Variants in SUMF1 observed in about 807,000 individuals in gnomAD.
SUMF1 encodes the protein formylglycine-generating enzyme.
SUMF1 carries 48 observed loss-of-function variants against 47.6 expected under a neutral mutation model. That is an observed-to-expected ratio of 1.01 (90% CI 0.80 to 1.28). SUMF1 has a LOEUF of 1.28. Among genes scored for constraint, SUMF1 ranks in the 50% most tolerant of loss-of-function variants. The pLI, the probability that SUMF1 is intolerant of heterozygous loss-of-function variation, is 0.00. For synonymous variants in SUMF1, 230 were observed against 192.1 expected (o/e 1.20, Z -1.63); for missense variants, 571 against 485.4 (o/e 1.18, Z -1.66).
chr3:4,163,255 A>G (rs1694620308), intron 8 of SUMF1, among the ~76,000 whole-genome samples: 1 of 150,334 alleles, frequency 6.7e-6, no homozygotes. Context: ...TCCAACAACC[A>G]ATTATCTCTC....
intron 1 of SUMF1, among the ~76,000 whole-genome samples, chr3:4,454,351 A>G (rs1180864623): frequency 6.6e-6 from 1 of 152,224 alleles, no homozygotes. Flanking sequence ...ATCATGAGTC[A>G]TTAGGGAAAT....
chr3:4,150,564 G>T (rs1450761608), intron 8 of SUMF1, among the ~76,000 whole-genome samples: 1 of 149,842 alleles, frequency 6.7e-6, no homozygotes, highest in Non-Finnish European at 1.5e-5. Flanking sequence ...AAAAAAAAAT[G>T]TGTAGAGGCA....
At chr3:4,367,688 T>C (rs1211445744) in intron 8 of SUMF1, among the ~76,000 whole-genome samples, 2 of 152,160 alleles carry the variant, frequency 1.3e-5, no homozygotes, top group East Asian at 3.9e-4. Flanking sequence ...GCCGCATGTC[T>C]ACAACTGTCT....
chr3:4,164,442 A>T (rs1007165401), intron 8 of SUMF1, among the ~76,000 whole-genome samples: 1 of 152,148 alleles, frequency 6.6e-6, no homozygotes, highest in African/African-American at 2.4e-5. Flanking sequence ...GGCCCAAAGA[A>T]ACTTTGCCCT....
intron 8 of SUMF1, among the ~76,000 whole-genome samples, chr3:4,135,030 T>C (rs1693891839): frequency 6.6e-6 from 1 of 152,164 alleles, no homozygotes; most frequent in South Asian, 2.1e-4. Flanking sequence ...CACAGCCGAA[T>C]TCTACCAGAG....
At chr3:4,258,170 C>A (rs1024130996) in intron 8 of SUMF1, among the ~76,000 whole-genome samples, 1 of 149,900 alleles carries the variant, frequency 6.7e-6, no homozygotes, top group Non-Finnish European at 1.5e-5. Context: ...TAGAAGAAAA[C>A]CTAGGCATTA....
At chr3:4,132,537 G>C (rs1007125200) in intron 8 of SUMF1, among the ~76,000 whole-genome samples, 1 of 152,148 alleles carries the variant, frequency 6.6e-6, no homozygotes, top group East Asian at 1.9e-4. Context: ...AGGGGTGAAA[G>C]TGGAAGTGGC....
intron 8 of SUMF1, among the ~76,000 whole-genome samples, chr3:4,234,503 G>C (rs61389820): frequency 6.6e-6 from 1 of 151,860 alleles, no homozygotes; most frequent in African/African-American, 2.4e-5. Context: ...GCTCATTCAC[G>C]TATCCATTCA....
At chr3:4,265,834 G>T (rs1043657080) in intron 8 of SUMF1, among the ~76,000 whole-genome samples, 16 of 152,154 alleles carry the variant, frequency 1.1e-4, no homozygotes, top group African/African-American at 3.9e-4. Flanking sequence ...TAATGCCTAG[G>T]TTTTCTCCTA....
chr3:4,113,843 A>G (rs947068510), intron 8 of SUMF1, among the ~76,000 whole-genome samples: 2 of 152,104 alleles, frequency 1.3e-5, no homozygotes, highest in Non-Finnish European at 2.9e-5. Flanking sequence ...AAGTTAATCC[A>G]CAGATCCGGA....
In SUMF1 at chr3:4,338,955, G is replaced by A. The variant is rs1198961814; in HGVS notation, c.1014+37375C>T. On this transcript the variant is annotated intron_variant and NMD_transcript_variant, in intron 8 of 12. Transcript: ENST00000448413. ...GTCTGTCTTTGCTCACCAGAGCCTC[G>A]CCAGTGCTGAATGGGTATTGCTGAC... Among the ~76,000 whole-genome samples the A allele has an allele frequency of 3.9e-5, 6 of 152,206 alleles. No individual in the cohort carries two copies. In the East Asian group the frequency reaches 5.8e-4, roughly 15 times the overall value.
In SUMF1 at chr3:4,150,199, T is replaced by C. The variant is rs58262755; in HGVS notation, c.1015-81454A>G. On this transcript the variant is annotated intron_variant and NMD_transcript_variant, in intron 8 of 12. Coordinates refer to the SUMF1 transcript ENST00000448413. ...GCCTTGATCTCCTGGGCTCAACCAA[T>C]TGTCTTGCCTCAGCCTCCCAAGTAG... Among the ~76,000 whole-genome samples, 977 of 152,014 alleles carry C rather than the reference T, an allele frequency of 6.4e-3. 28 individuals are homozygous for C. Among genetic ancestry groups the C allele is most frequent in the African/African-American group, 0.023 (937 of 41,438 alleles).
At chr3:4,341,263 G>C (rs1699267099) in intron 8 of SUMF1, among the ~76,000 whole-genome samples, 1 of 151,980 alleles carries the variant, frequency 6.6e-6, no homozygotes, top group African/African-American at 2.4e-5. Context: ...AAATAGGAGA[G>C]TTGGCATAAA....
intron 7 of SUMF1, among the ~76,000 whole-genome samples, chr3:4,400,565 G>C (rs190887858): frequency 1.3e-5 from 2 of 152,304 alleles, no homozygotes; most frequent in East Asian, 1.9e-4. Flanking sequence ...AATGCTGAAG[G>C]GGAAAGGATT....
intron 8 of SUMF1, among the ~76,000 whole-genome samples, chr3:4,340,124 CAA>C (rs1341649223): frequency 6.6e-6 from 1 of 150,838 alleles, no homozygotes; most frequent in African/African-American, 2.4e-5. Context: ...CACACACACA[CAA>C]ACACACACAC....
chr3:4,050,283 G>A lies in SUMF1; in HGVS notation c.1191+18286C>T, dbSNP rs537045385. Among the ~76,000 whole-genome samples the A allele has an allele frequency of 5.3e-5, 8 of 151,234 alleles. 1 individual carries two copies. Among genetic ancestry groups the A allele is most frequent in the African/African-American group, 1.9e-4 (8 of 41,100 alleles). Reference sequence around the variant, plus strand: ...GTTCTAAATGATCCATTTAGAACCTGACCTACTTTCCGAAAAAAAAAATAC... The same window carrying A: ...GTTCTAAATGATCCATTTAGAACCTAACCTACTTTCCGAAAAAAAAAATAC... On this transcript the variant is annotated intron_variant and NMD_transcript_variant, in intron 9 of 12. Coordinates refer to the SUMF1 transcript ENST00000448413.
intron 8 of SUMF1, among the ~76,000 whole-genome samples, chr3:4,252,349 T>TGCGC (rs756654603): frequency 2.6e-4 from 33 of 125,200 alleles, no homozygotes; most frequent in Admixed American, 9.5e-4. Context: ...AATACACACA[T>TGCGC]GCGCACACAC....
rs1214208834 is a variant in SUMF1, at chr3:4,217,512, TTTTATATATA to T, written c.1015-148777_1015-148768del. Among the ~76,000 whole-genome samples, 5 of 47,512 alleles carry T rather than the reference TTTTATATATA, an allele frequency of 1.1e-4. 1 individual carries two copies. Among genetic ancestry groups the T allele is most frequent in the African/African-American group, 4.5e-4 (4 of 8,852 alleles). The allele number at this position is 47,512 out of a possible 152,430, so 31.2% of individuals were successfully genotyped here. A position where few individuals can be genotyped will look rare whatever the true frequency, so the allele number is the denominator to read the frequency against. Reference sequence around the variant, plus strand: ...CATGTATCCCAGAACTTAAAGTATTTTTTATATATATATATATATATATATATGAAGAAAA... The same window carrying T: ...CATGTATCCCAGAACTTAAAGTATTTTATATATATATATATATGAAGAAAA... On this transcript the variant is annotated intron_variant and NMD_transcript_variant, in intron 8 of 12. Transcript: ENST00000448413.
At chr3:4,307,630 A>T (rs888017065) in intron 8 of SUMF1, among the ~76,000 whole-genome samples, 6 of 152,216 alleles carry the variant, frequency 3.9e-5, no homozygotes, top group Admixed American at 6.5e-5. Context: ...GATTTCCAGT[A>T]TATCATTTTG....
Sources: allele counts gnomAD v4.1 joint callset (sites outside exome capture counted in the v4.1 genomes callset), GRCh38; gene constraint gnomAD v4.1.1; transcripts MANE v1.5; gene names NCBI Gene and HGNC (gene_info 2026-07-23, HGNC 2026-07-21).